BCAS3: variants seen among roughly 807,000 people sequenced by gnomAD.
BCAS3 encodes the protein BCAS4/BCAS3 fusion.
A neutral mutation model predicts 116.1 loss-of-function variants in BCAS3; 53 were observed. The ratio of observed to expected loss-of-function variants is 0.46; its 90% CI spans 0.37 to 0.57. The LOEUF (loss-of-function observed/expected upper bound fraction) is 0.57, where lower values mean the gene tolerates loss of function less well. Ranked by LOEUF, BCAS3 falls within the 20% of genes least tolerant of loss-of-function variation. The pLI, the probability that BCAS3 is intolerant of heterozygous loss-of-function variation, is 0.00. For synonymous variants in BCAS3, 391 were observed against 408.2 expected, an observed-to-expected ratio of 0.96 and a Z score of 0.51; for missense variants, 917 against 1,165.4, an observed-to-expected ratio of 0.79 and a Z score of 3.10.
chr17:61,331,452 AG>A (rs1482841351), intron 22 of BCAS3, among the ~76,000 whole-genome samples: 1 of 151,966 alleles, frequency 6.6e-6, no homozygotes, highest in East Asian at 1.9e-4. Context: ...GCACAGGAGG[AG>A]GTCACCAGGT....
At position 61,368,619 on chromosome 17, in the gene BCAS3, C is replaced by T; in HGVS notation, c.2593+125C>T. 8.9e-7 allele frequency: 1 copy of T among 1,125,932 alleles called. No homozygotes were observed. Among genetic ancestry groups the T allele is most frequent in the Non-Finnish European group, 1.2e-6 (1 of 811,286 alleles). 69.7% of individuals were successfully genotyped at this position (1,125,932 alleles called of 1,614,324 possible). A position where few individuals can be genotyped will look rare whatever the true frequency, so the allele number is the denominator to read the frequency against. On this transcript the variant is annotated intron_variant, in intron 23 of 23. Coordinates refer to ENST00000407086, the MANE Select transcript of BCAS3 (RefSeq NM_017679.5). The surrounding 1 kb of genome is among the most constrained non-coding windows in gnomAD (Gnocchi z 6.0). ...CTGTTGGTTTCTTTAGTTAGCACTC[C>T]AGTGGCTATCCGTCTGAGGAGCTCT... is the stretch of plus-strand genomic sequence containing the variant.
intron 10 of BCAS3, among the ~76,000 whole-genome samples, chr17:60,899,732 G>T (rs558243512): frequency 1.2e-4 from 18 of 151,940 alleles, no homozygotes; most frequent in African/African-American, 3.9e-4. Flanking sequence ...TCCTGACCTT[G>T]TGATCTGCCC....
At position 61,344,285 on chromosome 17, in the gene BCAS3, T is replaced by TTAAAAGAAGCA. The variant is rs972528851; in HGVS notation, c.2426-24042_2426-24041insTAAAAGAAGCA. On this transcript the variant is annotated intron_variant, in intron 22 of 23. Transcript: ENST00000407086. This position sits in a 1 kb window ranked among gnomAD's most constrained non-coding sequence, Gnocchi z 4.1. ...CCTTGCTTTTAAAGAGCCAACCTCT[T>TTAAAAGAAGCA]ACCAGTTGCTTCTCTTTTGTCAGAG... is the stretch of plus-strand genomic sequence containing the variant. Among the ~76,000 whole-genome samples the TTAAAAGAAGCA allele has an allele frequency of 2.0e-5, 3 of 152,156 alleles. No homozygotes were observed. The highest frequency in any genetic ancestry group is 4.4e-5 in the Non-Finnish European group (3 of 68,032).
At chr17:61,338,838 C>T (rs563587550) in intron 22 of BCAS3, among the ~76,000 whole-genome samples, 22 of 129,874 alleles carry the variant, frequency 1.7e-4, no homozygotes, top group South Asian at 5.2e-4. Flanking sequence ...TGTCCCAAGG[C>T]AAATTCTTAT....
intron 6 of BCAS3, among the ~76,000 whole-genome samples, chr17:60,776,108 A>G (rs769395937): frequency 1.2e-4 from 19 of 152,200 alleles, no homozygotes; most frequent in Non-Finnish European, 2.6e-4. Flanking sequence ...CTGTATGGGA[A>G]ATACATACAG....
chr17:61,313,088 G>A lies in BCAS3; in HGVS notation c.2426-55239G>A, dbSNP rs1170341455. Among the ~76,000 whole-genome samples the A allele has an allele frequency of 1.3e-5, 2 of 152,208 alleles. No homozygotes were observed. The highest frequency in any genetic ancestry group is 3.2e-3 in the Middle Eastern group (1 of 316). On this transcript the variant is annotated intron_variant, in intron 22 of 23. Coordinates refer to ENST00000407086, the MANE Select transcript of BCAS3 (RefSeq NM_017679.5). The surrounding 1 kb of genome is among the most constrained non-coding windows in gnomAD (Gnocchi z 4.3). ...CGTGAGGTTTTTAATCACTGACTCAGTAGCATTGATTGAGAAATCTACTCC... is the reference window on the plus strand; with the variant it reads ...CGTGAGGTTTTTAATCACTGACTCAATAGCATTGATTGAGAAATCTACTCC...
At chr17:61,033,617 G>A (rs1033332984) in intron 16 of BCAS3, among the ~76,000 whole-genome samples, 3 of 152,148 alleles carry the variant, frequency 2.0e-5, no homozygotes, top group Non-Finnish European at 1.5e-5. Flanking sequence ...TAGAACTAAT[G>A]TTTGACATTG....
chr17:61,200,283 A>G lies in BCAS3; in HGVS notation c.2425+115719A>G, dbSNP rs944509763. Among the ~76,000 whole-genome samples the G allele has an allele frequency of 2.6e-5, 4 of 152,236 alleles. No individual in the cohort carries two copies. The highest frequency in any genetic ancestry group is 6.5e-5 in the Admixed American group (1 of 15,286). Reference sequence around the variant, plus strand: ...GGTCTGAGCGAATGAGAAGGAGATTAATATTAATACAATTAGTTAGTTAGC... The same window carrying G: ...GGTCTGAGCGAATGAGAAGGAGATTGATATTAATACAATTAGTTAGTTAGC... On this transcript the variant is annotated intron_variant, in intron 22 of 23. Coordinates refer to ENST00000407086, the MANE Select transcript of BCAS3 (RefSeq NM_017679.5). This position sits in a 1 kb window ranked among gnomAD's most constrained non-coding sequence, Gnocchi z 5.1.
chr17:60,878,791 A>G (rs1034843793), intron 9 of BCAS3, among the ~76,000 whole-genome samples: 1 of 152,206 alleles, frequency 6.6e-6, no homozygotes, highest in African/African-American at 2.4e-5. Flanking sequence ...GGTAAGATTG[A>G]TGATATTCTG....
intron 7 of BCAS3, among the ~76,000 whole-genome samples, chr17:60,846,975 G>A (rs959435978): frequency 3.3e-5 from 5 of 151,864 alleles, no homozygotes; most frequent in Admixed American, 6.6e-5. Flanking sequence ...GTCCCTCCCC[G>A]TTTCCTCCTT....
At chr17:61,121,835 G>T (rs1375424864) in intron 22 of BCAS3, among the ~76,000 whole-genome samples, 1 of 152,122 alleles carries the variant, frequency 6.6e-6, no homozygotes, top group African/African-American at 2.4e-5. Context: ...GGTTCAAGCA[G>T]TTCTCTGCCT....
intron 5 of BCAS3, among the ~76,000 whole-genome samples, chr17:60,736,400 G>A (rs1220415255): frequency 3.3e-5 from 5 of 150,916 alleles, no homozygotes; most frequent in Non-Finnish European, 7.4e-5. Flanking sequence ...TGGCCAGGGT[G>A]GTCTCAAACT....
intron 7 of BCAS3, among the ~76,000 whole-genome samples, chr17:60,815,710 A>C (rs922947781): frequency 6.6e-6 from 1 of 152,254 alleles, no homozygotes; most frequent in African/African-American, 2.4e-5. Context: ...GAGTAGGAGA[A>C]TACATAGTTA....
At chr17:60,992,189 TACACACAC>T (rs576760115) in intron 15 of BCAS3, among the ~76,000 whole-genome samples, 1,377 of 130,714 alleles carry the variant, frequency 0.011, 16 homozygotes, top group East Asian at 0.033. Context: ...TCCGATGACT[TACACACAC>T]ACACACACAC....
At chr17:61,094,413 A>G (rs766150871) in intron 22 of BCAS3, among the ~76,000 whole-genome samples, 1 of 152,234 alleles carries the variant, frequency 6.6e-6, no homozygotes, top group Non-Finnish European at 1.5e-5. Flanking sequence ...AATTTTCTCA[A>G]AAATAAGCAA....
Position 60,961,118 on chromosome 17 carries a change from G to T in BCAS3, c.1221+13766G>T, listed in dbSNP as rs908284540. ...ATATTCAAATACCAGAAGATCCAAA[G>T]GAAGTATTATTGAATGGTAAAATAA... On this transcript the variant is annotated intron_variant, in intron 14 of 23. Coordinates refer to ENST00000407086, the MANE Select transcript of BCAS3 (RefSeq NM_017679.5). This position sits in a 1 kb window ranked among gnomAD's most constrained non-coding sequence, Gnocchi z 4.8. Among the ~76,000 whole-genome samples the T allele has an allele frequency of 6.6e-6, 1 of 152,100 alleles. No homozygotes were observed. The highest frequency in any genetic ancestry group is 1.5e-5 in the Non-Finnish European group (1 of 68,024).
At chr17:60,742,267 A>G (rs75362578) in intron 5 of BCAS3, among the ~76,000 whole-genome samples, 3,953 of 152,260 alleles carry the variant, frequency 0.026, 97 homozygotes, top group South Asian at 0.092. Flanking sequence ...AGCTCAGAGT[A>G]TTGTACAGTA....
At chr17:60,830,258 G>C (rs2050796793) in intron 7 of BCAS3, among the ~76,000 whole-genome samples, 1 of 152,148 alleles carries the variant, frequency 6.6e-6, no homozygotes, top group Non-Finnish European at 1.5e-5. Context: ...CAAAGTCCTG[G>C]GATTATAGGC....
rs1313627704 is a variant in BCAS3, at chr17:61,228,250, A to G, written c.2426-140077A>G. On this transcript the variant is annotated intron_variant, in intron 22 of 23. Coordinates refer to ENST00000407086, the MANE Select transcript of BCAS3 (RefSeq NM_017679.5). The surrounding 1 kb of genome is among the most constrained non-coding windows in gnomAD (Gnocchi z 5.0). Reference sequence around the variant, plus strand: ...TATTATTTTGCTTTGAGATTCTCCTAAGCCCCAGCTGAGAAATTATGAAGG... The same window carrying G: ...TATTATTTTGCTTTGAGATTCTCCTGAGCCCCAGCTGAGAAATTATGAAGG... Among the ~76,000 whole-genome samples, 1 of 152,176 alleles carries G rather than the reference A, an allele frequency of 6.6e-6. No homozygotes were observed. Among genetic ancestry groups the G allele is most frequent in the African/African-American group, 2.4e-5 (1 of 41,452 alleles).
Sources: gnomAD v4.1 joint callset for allele counts (sites outside exome capture counted in the v4.1 genomes callset) on GRCh38, gnomAD v4.1.1 for gene constraint, Gnocchi (gnomAD v3.1) non-coding constraint, MANE v1.5 for transcripts, NCBI Gene and HGNC (gene_info 2026-07-23, HGNC 2026-07-21) for gene names.